The following GRIA1 variants were observed in gnomAD, a reference collection of about 807,000 sequenced individuals.
GRIA1 encodes the protein glutamate ionotropic receptor AMPA type subunit 1.
Under a neutral mutation model 99.2 loss-of-function variants are expected in GRIA1, and 31 were observed. The observed-to-expected ratio is 0.31, with a 90% CI of 0.23 to 0.42. GRIA1 has a LOEUF of 0.42. Ranked by LOEUF, GRIA1 falls within the 10% of genes least tolerant of loss-of-function variation. The probability of loss-of-function intolerance (pLI) is 1.00; values close to 1 mark genes in which losing one functional copy is unlikely to be tolerated. For missense variants in GRIA1, 782 were observed against 1,157.5 expected (o/e 0.68, Z 4.71); for synonymous variants, 438 against 432.4 (o/e 1.01, Z -0.16).
intron 2 of GRIA1, chr5:153,557,679 A>G (rs1192656309): frequency 2.0e-5 from 3 of 152,208 alleles, no homozygotes; most frequent in African/African-American, 7.2e-5. Flanking sequence ...TAGAGAATTT[A>G]TATCTTTAAA....
intron 2 of GRIA1, among the ~76,000 whole-genome samples, chr5:153,554,442 C>T (rs563655685): frequency 2.0e-5 from 3 of 152,228 alleles, no homozygotes; most frequent in Admixed American, 6.5e-5. Flanking sequence ...CCAGAGATTC[C>T]GAGTCAGTAA....
intron 2 of GRIA1, among the ~76,000 whole-genome samples, chr5:153,610,635 A>C (rs1414621012): frequency 6.6e-6 from 1 of 152,176 alleles, no homozygotes; most frequent in African/African-American, 2.4e-5. Flanking sequence ...CTAGATTTCA[A>C]TCCTTATTCT....
intron 2 of GRIA1, among the ~76,000 whole-genome samples, chr5:153,609,288 A>C (rs1765748470): frequency 6.6e-6 from 1 of 152,168 alleles, no homozygotes; most frequent in East Asian, 1.9e-4. Flanking sequence ...GCTCTCCTAC[A>C]TCTTCAAGTA....
chr5:153,545,895 C>T (rs1019076076), intron 2 of GRIA1, among the ~76,000 whole-genome samples: 5 of 152,176 alleles, frequency 3.3e-5, no homozygotes, highest in African/African-American at 4.8e-5. Context: ...CGGCCAACCC[C>T]TGTTTAAGGC....
At chr5:153,601,062 T>C (rs1388611359) in intron 2 of GRIA1, among the ~76,000 whole-genome samples, 1 of 152,196 alleles carries the variant, frequency 6.6e-6, no homozygotes, top group Non-Finnish European at 1.5e-5. Context: ...TGCAGGGACA[T>C]TGTCAAGAAA....
chr5:153,550,328 CA>C (rs1332507263), intron 2 of GRIA1, among the ~76,000 whole-genome samples: 1 of 151,514 alleles, frequency 6.6e-6, no homozygotes, highest in Non-Finnish European at 1.5e-5. Context: ...GAAGGCTCTC[CA>C]GGGGTGAATG....
At chr5:153,551,796 CTTCT>C (rs1760168676) in intron 2 of GRIA1, among the ~76,000 whole-genome samples, 2 of 152,156 alleles carry the variant, frequency 1.3e-5, no homozygotes, top group South Asian at 4.1e-4. Flanking sequence ...GTTCTTTGAA[CTTCT>C]TTGAGGAGTA....
At chr5:153,693,366 T>A (rs951858193) in intron 8 of GRIA1, among the ~76,000 whole-genome samples, 3 of 152,134 alleles carry the variant, frequency 2.0e-5, no homozygotes, top group Non-Finnish European at 4.4e-5. Context: ...CTCTACACCA[T>A]GGAAGGAAAA....
intron 2 of GRIA1, among the ~76,000 whole-genome samples, chr5:153,625,459 C>A (rs868297416): frequency 6.6e-6 from 1 of 152,284 alleles, no homozygotes; most frequent in Middle Eastern, 3.4e-3. Flanking sequence ...CGACTGACTT[C>A]CTCTTTGTCA....
chr5:153,672,198 G>C (rs1040433748), intron 5 of GRIA1, among the ~76,000 whole-genome samples: 1 of 150,710 alleles, frequency 6.6e-6, no homozygotes, highest in Non-Finnish European at 1.5e-5. Flanking sequence ...GCCATGCAGG[G>C]GAGAGGATTC....
intron 8 of GRIA1, among the ~76,000 whole-genome samples, chr5:153,691,581 A>G (rs1757757987): frequency 6.6e-6 from 1 of 152,314 alleles, no homozygotes; most frequent in African/African-American, 2.4e-5. Context: ...ATCAAAAGTA[A>G]TCTTCTAAAG....
At chr5:153,790,779 G>T (rs1765245912) in intron 13 of GRIA1, among the ~76,000 whole-genome samples, 1 of 151,886 alleles carries the variant, frequency 6.6e-6, no homozygotes, top group African/African-American at 2.4e-5. Flanking sequence ...CACCTATGTT[G>T]GTCCTCCCAC....
chr5:153,799,754 C>A (rs1765881598), intron 14 of GRIA1, among the ~76,000 whole-genome samples: 2 of 152,206 alleles, frequency 1.3e-5, no homozygotes, highest in South Asian at 4.2e-4. Context: ...AAGGATGTAT[C>A]CCCCCTCACA....
intron 2 of GRIA1, among the ~76,000 whole-genome samples, chr5:153,537,298 C>G (rs1166939702): frequency 6.6e-6 from 1 of 152,222 alleles, no homozygotes; most frequent in Non-Finnish European, 1.5e-5. Flanking sequence ...CTGCAGCAGC[C>G]TGGAGACCAG....
At chr5:153,515,600 A>C (rs1300782507) in intron 2 of GRIA1, among the ~76,000 whole-genome samples, 1 of 152,198 alleles carries the variant, frequency 6.6e-6, no homozygotes, top group Non-Finnish European at 1.5e-5. Context: ...AATTTCTAAA[A>C]GACTGGATTT....
chr5:153,602,097 A>G (rs1765021426), intron 2 of GRIA1, among the ~76,000 whole-genome samples: 2 of 152,230 alleles, frequency 1.3e-5, no homozygotes, highest in Admixed American at 1.3e-4. Flanking sequence ...TTATTGCAGC[A>G]CTATTCACAA....
At chr5:153,511,256 T>G (rs1756042613) in intron 2 of GRIA1, among the ~76,000 whole-genome samples, 1 of 152,108 alleles carries the variant, frequency 6.6e-6, no homozygotes, top group African/African-American at 2.4e-5. Context: ...CAAATAAAGG[T>G]GAACCCAGGG....
At chr5:153,627,430 C>A in intron 2 of GRIA1, among the ~76,000 whole-genome samples, 1 of 152,208 alleles carries the variant, frequency 6.6e-6, no homozygotes, top group East Asian at 1.9e-4. Flanking sequence ...CCAGAGTAGA[C>A]ACAGGCACGT....
rs190600711 is a variant in GRIA1, at chr5:153,583,026, G to A, written c.221-63902G>A. ...TTGCCCAGCCTCATCTCAAACTCCT[G>A]ACCTCAAGCAATTCTCCCACCTCAG... On this transcript the variant is annotated intron_variant, in intron 2 of 15. Coordinates refer to ENST00000285900, the MANE Select transcript of GRIA1 (RefSeq NM_000827.4). 1.6e-4 allele frequency among the ~76,000 whole-genome samples: 24 copies of A among 152,114 alleles called. No individual in the cohort carries two copies. The East Asian group carries it at 4.5e-3, about 28-fold the overall frequency.
Sources: gnomAD v4.1 joint callset for allele counts (sites outside exome capture counted in the v4.1 genomes callset) on GRCh38, gnomAD v4.1.1 for gene constraint, MANE v1.5 for transcripts, NCBI Gene and HGNC (gene_info 2026-07-23, HGNC 2026-07-21) for gene names.